Variants in RPS6KA6 observed in about 807,000 individuals in gnomAD.
The protein encoded by RPS6KA6 is ribosomal protein S6 kinase alpha-6.
A neutral mutation model predicts 65.4 loss-of-function variants in RPS6KA6; 27 were observed. The observed-to-expected ratio is 0.41, with a 90% CI of 0.30 to 0.57. The LOEUF is 0.57. Among genes scored for constraint, RPS6KA6 ranks in the 20% least tolerant of loss-of-function variants. The probability of loss-of-function intolerance (pLI) is 0.24; values close to 1 mark genes in which losing one functional copy is unlikely to be tolerated. For synonymous variants in RPS6KA6, 190 were observed against 184.2 expected, an observed-to-expected ratio of 1.03 and a Z score of -0.26; for missense variants, 486 against 555.6, an observed-to-expected ratio of 0.87 and a Z score of 1.26.
At chrX:84,152,836 T>C (rs2035351840) in intron 3 of RPS6KA6, among the ~76,000 whole-genome samples, 1 of 111,499 alleles carries the variant, frequency 9.0e-6, no homozygotes, top group Admixed American at 9.6e-5. Context: ...ATGACTGTAT[T>C]TGAGGATAGG....
chrX:84,087,956 C>G (rs181838125), intron 20 of RPS6KA6, among the ~76,000 whole-genome samples: 1 of 112,237 alleles, frequency 8.9e-6, no homozygotes, highest in Admixed American at 9.5e-5. Context: ...GCTACTGATA[C>G]TTGTGATTAC....
chrX:84,131,232 A>G (rs1407397868), intron 8 of RPS6KA6, among the ~76,000 whole-genome samples: 4 of 112,293 alleles, frequency 3.6e-5, no homozygotes, highest in Non-Finnish European at 1.9e-5. Flanking sequence ...AAAAAAGTTT[A>G]TAAGCCCTAT....
intron 1 of RPS6KA6, among the ~76,000 whole-genome samples, chrX:84,177,483 T>A (rs2035789947): frequency 8.9e-6 from 1 of 111,864 alleles, no homozygotes; most frequent in Non-Finnish European, 1.9e-5. Flanking sequence ...GAATTTAAAC[T>A]CGGGCATTCT....
intron 7 of RPS6KA6, 97 bp from the exon 8 acceptor site, chrX:84,134,916 TTAA>T: frequency 3.1e-6 from 2 of 645,773 alleles, no homozygotes; most frequent in East Asian, 7.3e-5. Flanking sequence ...CAGTATCTAT[TTAA>T]TATATGTAAA....
chrX:84,122,431 A>G (rs2034694243), intron 8 of RPS6KA6, among the ~76,000 whole-genome samples: 1 of 90,073 alleles, frequency 1.1e-5, no homozygotes, highest in African/African-American at 4.4e-5. Context: ...CTCGGGTTCA[A>G]GTGATTCTCC....
At chrX:84,132,963 G>A (rs2034929147) in intron 8 of RPS6KA6, among the ~76,000 whole-genome samples, 1 of 107,921 alleles carries the variant, frequency 9.3e-6, no homozygotes, top group African/African-American at 3.3e-5. Context: ...TTGGAAAACA[G>A]AATGCTAGCA....
At chrX:84,122,980 G>T (rs978118893) in intron 8 of RPS6KA6, among the ~76,000 whole-genome samples, 5 of 111,862 alleles carry the variant, frequency 4.5e-5, no homozygotes, top group Non-Finnish European at 5.6e-5. Flanking sequence ...AGAGGACTTT[G>T]TCTTGCATCT....
At chrX:84,181,889 CAT>C (rs1191519947) in intron 1 of RPS6KA6, among the ~76,000 whole-genome samples, 1 of 111,151 alleles carries the variant, frequency 9.0e-6, no homozygotes, top group Admixed American at 9.6e-5. Context: ...CCACCCTTTT[CAT>C]ATATCTCCTA....
At chrX:84,109,182 T>C (rs2034421001) in intron 12 of RPS6KA6, among the ~76,000 whole-genome samples, 1 of 112,122 alleles carries the variant, frequency 8.9e-6, no homozygotes, top group African/African-American at 3.2e-5. Flanking sequence ...AAGCACCCCA[T>C]AGCTGCCAAC....
chrX:84,081,926 G>C (rs2033808960), intron 20 of RPS6KA6, among the ~76,000 whole-genome samples: 1 of 111,801 alleles, frequency 8.9e-6, no homozygotes, highest in Admixed American at 9.5e-5. Flanking sequence ...CAATAAACTA[G>C]GTATTGATGG....
chrX:84,152,533 C>G (rs1285043113), intron 3 of RPS6KA6, among the ~76,000 whole-genome samples: 1 of 111,094 alleles, frequency 9.0e-6, no homozygotes, highest in Non-Finnish European at 1.9e-5. Flanking sequence ...CCTAAATCAT[C>G]CTTGAAAAAT....
At position 84,062,078 on chromosome X, in the gene RPS6KA6, T is replaced by C. The variant is rs2033310500; in HGVS notation, c.*2199A>G. ...TCGGGTACATCCAGTAGCATACCTG[T>C]ATCTTTTATACACTGTCAGTCCTCA... On this transcript the variant is annotated 3_prime_UTR_variant, in exon 22 of 22. Coordinates refer to ENST00000262752, the MANE Select transcript of RPS6KA6 (RefSeq NM_014496.5). The C allele has an allele frequency of 1.8e-5, 2 of 111,768 alleles. No individual in the cohort carries two copies. Among genetic ancestry groups the C allele is most frequent in the African/African-American group, 6.5e-5 (2 of 30,878 alleles). 9.2% of individuals were successfully genotyped at this position (111,768 alleles called of 1,213,427 possible).
In RPS6KA6 at chrX:84,156,099, A is replaced by C. The variant is rs1382086869; in HGVS notation, c.234T>G (p.Val78=). The change falls in exon 3 of 22, where the codon GTT becomes GTG. Residue 78 remains valine, a synonymous_variant. Transcript: ENST00000262752. ...CCTTTCCAAATGACCCCTGACCAAG[A>C]ACCTTGAGCAACTCAAACTGTGCAG... ...ADPAQFELLK[V]LGQGSFGKVF... 10 of 1,184,561 alleles carry C rather than the reference A, an allele frequency of 8.4e-6. No homozygotes were observed. The South Asian group carries it at 1.8e-4, about 21-fold the overall frequency.
intron 6 of RPS6KA6, among the ~76,000 whole-genome samples, chrX:84,141,173 A>G (rs1291705635): frequency 9.0e-6 from 1 of 111,468 alleles, no homozygotes; most frequent in African/African-American, 3.3e-5. Context: ...TGCAAGTATG[A>G]TTCCATTGAA....
intron 6 of RPS6KA6, among the ~76,000 whole-genome samples, chrX:84,142,925 T>G (rs2035132808): frequency 9.0e-6 from 1 of 110,982 alleles, no homozygotes; most frequent in Admixed American, 9.6e-5. Context: ...TATCATTGAA[T>G]CTACATAAAC....
At chrX:84,150,930 TATATATAGAGG>T (rs1402148352) in intron 3 of RPS6KA6, among the ~76,000 whole-genome samples, 1 of 96,002 alleles carries the variant, frequency 1.0e-5, no homozygotes, top group East Asian at 3.2e-4. Flanking sequence ...ATATAGGATA[TATATATAGAGG>T]ATATATATAG....
chrX:84,166,713 A>G (rs746567849), intron 1 of RPS6KA6, among the ~76,000 whole-genome samples: 2 of 111,630 alleles, frequency 1.8e-5, no homozygotes, highest in African/African-American at 6.5e-5. Context: ...TAATGAAAAC[A>G]GGGAAATGTA....
chrX:84,179,804 T>A (rs751362207), intron 1 of RPS6KA6, among the ~76,000 whole-genome samples: 11 of 112,155 alleles, frequency 9.8e-5, no homozygotes, highest in African/African-American at 3.2e-4. Flanking sequence ...ATCATTCTTG[T>A]ATATGTCTCT....
At chrX:84,097,035 A>G (rs2034170479) in intron 19 of RPS6KA6, among the ~76,000 whole-genome samples, 1 of 111,374 alleles carries the variant, frequency 9.0e-6, no homozygotes, top group African/African-American at 3.2e-5. Flanking sequence ...TTTTTATAAC[A>G]TATTTATAGA....
Sources: allele counts gnomAD v4.1 joint callset (sites outside exome capture counted in the v4.1 genomes callset), GRCh38; gene constraint gnomAD v4.1.1; transcripts MANE v1.5; gene names NCBI Gene and HGNC (gene_info 2026-07-23, HGNC 2026-07-21).